FAM174A: variants seen among roughly 807,000 people sequenced by gnomAD.
The protein encoded by FAM174A is family with sequence similarity 174 member A.
FAM174A carries 14 observed loss-of-function variants against 14.3 expected under a neutral mutation model. The ratio of observed to expected loss-of-function variants is 0.98; its 90% CI spans 0.65 to 1.53. The LOEUF (loss-of-function observed/expected upper bound fraction) is 1.53, where lower values mean the gene tolerates loss of function less well. Ranked by LOEUF, FAM174A falls within the 40% of genes most tolerant of loss-of-function variation. FAM174A has a pLI of 0.00. For missense variants in FAM174A, 241 were observed against 249.6 expected (o/e 0.97, Z 0.23); for synonymous variants, 108 against 111.4 (o/e 0.97, Z 0.19).
At chr5:100,556,715 A>G (rs1272516781) in intron 1 of FAM174A, among the ~76,000 whole-genome samples, 1 of 152,044 alleles carries the variant, frequency 6.6e-6, no homozygotes, top group Admixed American at 6.6e-5. Flanking sequence ...TTGTGAATGG[A>G]AGTTCACTCA....
Position 100,586,324 on chromosome 5 carries a change from T to C in FAM174A, c.*140T>C. 2 of 521,022 alleles carry C rather than the reference T, an allele frequency of 3.8e-6. No individual in the cohort carries two copies. The highest frequency in any genetic ancestry group is 7.0e-6 in the Non-Finnish European group (2 of 287,528). The allele number at this position is 521,022 out of a possible 1,614,324, so 32.3% of individuals were successfully genotyped here. On this transcript the variant is annotated 3_prime_UTR_variant, in exon 3 of 3. Transcript: ENST00000312637. ...ATTTTAACAACCTTTAATTTGCTGT[T>C]GCAATAAATACCGTATCCTTTTATT...
chr5:100,545,410 C>A (rs1003846672), intron 1 of FAM174A, among the ~76,000 whole-genome samples: 5 of 151,908 alleles, frequency 3.3e-5, no homozygotes, highest in African/African-American at 4.8e-5. Flanking sequence ...CTTTAATAAT[C>A]CTTTTTTTTT....
At chr5:100,564,551 A>G (rs1178249613) in intron 2 of FAM174A, among the ~76,000 whole-genome samples, 2 of 151,882 alleles carry the variant, frequency 1.3e-5, no homozygotes, top group Non-Finnish European at 2.9e-5. Context: ...ATAGAAATAC[A>G]TTAAATAGAG....
At chr5:100,561,142 A>G (rs1746514498) in intron 1 of FAM174A, among the ~76,000 whole-genome samples, 1 of 151,942 alleles carries the variant, frequency 6.6e-6, no homozygotes, top group African/African-American at 2.4e-5. Context: ...ATTTGAAGGA[A>G]AAGAACAAGT....
chr5:100,552,155 A>G (rs971002759), intron 1 of FAM174A, among the ~76,000 whole-genome samples: 1 of 152,186 alleles, frequency 6.6e-6, no homozygotes, highest in African/African-American at 2.4e-5. Context: ...TATGTGTCAT[A>G]TATTCAATTG....
chr5:100,561,963 G>T, intron 1 of FAM174A, 91 bp from the exon 2 acceptor site: 1 of 733,130 alleles, frequency 1.4e-6, no homozygotes, highest in African/African-American at 1.9e-5. Flanking sequence ...TGTTTGCTAT[G>T]TCAGAAACAG....
chr5:100,567,453 A>G (rs993135086), intron 2 of FAM174A, among the ~76,000 whole-genome samples: 3 of 151,820 alleles, frequency 2.0e-5, no homozygotes, highest in African/African-American at 7.2e-5. Flanking sequence ...TTTATTTTTC[A>G]TCTTCAGTTT....
intron 1 of FAM174A, among the ~76,000 whole-genome samples, chr5:100,551,522 C>T (rs1001946044): frequency 6.6e-6 from 1 of 152,114 alleles, no homozygotes; most frequent in South Asian, 2.1e-4. Context: ...TCACAGGTGT[C>T]AGATCTCTAT....
At chr5:100,565,639 A>G (rs576761055) in intron 2 of FAM174A, among the ~76,000 whole-genome samples, 2 of 151,790 alleles carry the variant, frequency 1.3e-5, no homozygotes, top group Admixed American at 6.6e-5. Context: ...TTGCTGCTGG[A>G]TATATATCCA....
At chr5:100,558,855 GA>G (rs1315602267) in intron 1 of FAM174A, among the ~76,000 whole-genome samples, 2 of 152,072 alleles carry the variant, frequency 1.3e-5, no homozygotes, top group Non-Finnish European at 2.9e-5. Context: ...TGGGTTTCCT[GA>G]ATACAGCACA....
intron 2 of FAM174A, among the ~76,000 whole-genome samples, chr5:100,574,249 C>A (rs1044467156): frequency 2.0e-5 from 3 of 152,006 alleles, no homozygotes; most frequent in African/African-American, 7.2e-5. Flanking sequence ...AGTGCAGTGG[C>A]ACTATCTCGG....
chr5:100,574,165 A>T (rs1746853695), intron 2 of FAM174A, among the ~76,000 whole-genome samples: 1 of 149,282 alleles, frequency 6.7e-6, no homozygotes, highest in Non-Finnish European at 1.5e-5. Context: ...AGTTCCGCAG[A>T]TTTCCAAACT....
chr5:100,551,187 T>C (rs1297409349), intron 1 of FAM174A, among the ~76,000 whole-genome samples: 1 of 152,112 alleles, frequency 6.6e-6, no homozygotes, highest in Non-Finnish European at 1.5e-5. Context: ...GTACAATCAA[T>C]AATACCTTGT....
chr5:100,577,216 T>G (rs1561324121), intron 2 of FAM174A, among the ~76,000 whole-genome samples: 1 of 152,042 alleles, frequency 6.6e-6, no homozygotes, highest in African/African-American at 2.4e-5. Context: ...TAAAAATAAT[T>G]AAGTTTTAAA....
At chr5:100,544,957 C>T (rs921146084) in intron 1 of FAM174A, among the ~76,000 whole-genome samples, 7 of 152,190 alleles carry the variant, frequency 4.6e-5, no homozygotes, top group Admixed American at 2.6e-4. Flanking sequence ...TACACTCTAC[C>T]AGTGTTTCTG....
chr5:100,555,858 G>A (rs1414585818), intron 1 of FAM174A, among the ~76,000 whole-genome samples: 1 of 152,078 alleles, frequency 6.6e-6, no homozygotes, highest in Non-Finnish European at 1.5e-5. Flanking sequence ...TGTCAGATGA[G>A]TAGATTGCAA....
chr5:100,536,869 G>C (rs1286112032), intron 1 of FAM174A, among the ~76,000 whole-genome samples: 1 of 152,172 alleles, frequency 6.6e-6, no homozygotes, highest in Non-Finnish European at 1.5e-5. Flanking sequence ...AACATCACTT[G>C]GCTAGTTAAA....
At chr5:100,555,656 G>A (rs543571415) in intron 1 of FAM174A, among the ~76,000 whole-genome samples, 1 of 152,284 alleles carries the variant, frequency 6.6e-6, no homozygotes, top group Admixed American at 6.5e-5. Context: ...TTGTGGTTTT[G>A]ATTTGCATTT....
intron 2 of FAM174A, among the ~76,000 whole-genome samples, chr5:100,578,480 A>G (rs1398718561): frequency 6.6e-6 from 1 of 152,164 alleles, no homozygotes; most frequent in Non-Finnish European, 1.5e-5. Context: ...TTTTATCCAA[A>G]ACAACAACAA....
Sources: allele counts gnomAD v4.1 joint callset (sites outside exome capture counted in the v4.1 genomes callset), GRCh38; gene constraint gnomAD v4.1.1; transcripts MANE v1.5; gene names NCBI Gene and HGNC (gene_info 2026-07-23, HGNC 2026-07-21).